Variants in DEAF1 observed in about 807,000 individuals in gnomAD.
DEAF1 encodes the protein DEAF1 transcription factor.
Under a neutral mutation model 58.9 loss-of-function variants are expected in DEAF1, and 53 were observed. That is an observed-to-expected ratio of 0.90 (90% CI 0.72 to 1.13). The LOEUF is 1.13. DEAF1 is among the 50% of genes most tolerant of loss of function. DEAF1 has a pLI of 0.00. For synonymous variants in DEAF1, 385 were observed against 340.4 expected (o/e 1.13, Z -1.44); for missense variants, 685 against 791.4 (o/e 0.87, Z 1.61).
At chr11:699,219 T>G (rs192016339), upstream of DEAF1, 237 of 413,740 alleles carry the variant, frequency 5.7e-4, 2 homozygotes, top group East Asian at 8.7e-3. Flanking sequence ...TTTTATTTTA[T>G]TTTTGTTTGT....
chr11:682,977 G>C (rs1860442009), intron 6 of DEAF1, among the ~76,000 whole-genome samples: 1 of 152,118 alleles, frequency 6.6e-6, no homozygotes, highest in Admixed American at 6.5e-5. Flanking sequence ...CCACCATAGG[G>C]AGCTGGGGGC....
At chr11:699,030 TTA>T (rs1564960918), upstream of DEAF1, 2 of 983,724 alleles carry the variant, frequency 2.0e-6, no homozygotes, top group African/African-American at 1.6e-5. Flanking sequence ...CTTGACAGAT[TTA>T]GAGAGTTGAT....
At chr11:682,822 T>G (rs367614075) in intron 6 of DEAF1, among the ~76,000 whole-genome samples, 24 of 152,286 alleles carry the variant, frequency 1.6e-4, no homozygotes, top group African/African-American at 5.8e-4. Context: ...CAGTCACACT[T>G]CCCAGGAATT....
intron 9 of DEAF1, 131 bp from the exon 10 acceptor site, chr11:674,914 G>A: frequency 1.6e-6 from 2 of 1,220,224 alleles, no homozygotes; most frequent in Non-Finnish European, 1.2e-6. Context: ...GGAGGCCAAG[G>A]CAGGCGGATC....
chr11:645,585 T>C (rs564241051), intron 11 of DEAF1, among the ~76,000 whole-genome samples: 1 of 152,304 alleles, frequency 6.6e-6, no homozygotes, highest in East Asian at 1.9e-4. Context: ...CCCAAAGTGC[T>C]GGGATGACAG....
At chr11:685,695 CAA>C (rs111933571) in intron 5 of DEAF1, among the ~76,000 whole-genome samples, 3 of 135,754 alleles carry the variant, frequency 2.2e-5, no homozygotes, top group African/African-American at 2.7e-5. Context: ...GCCTTTGCCT[CAA>C]AAAAAAAAAA....
At chr11:701,700 C>T (rs971110927) in intron 1 of DEAF1, among the ~76,000 whole-genome samples, 20 of 152,112 alleles carry the variant, frequency 1.3e-4, no homozygotes, top group South Asian at 4.1e-4. Context: ...TGAGCCACCG[C>T]GCCCGGCCGG....
intron 10 of DEAF1, among the ~76,000 whole-genome samples, chr11:672,552 TAAAA>T (rs1244431202): frequency 2.6e-5 from 4 of 152,024 alleles, no homozygotes; most frequent in Non-Finnish European, 5.9e-5. Context: ...ATTTAAAAAT[TAAAA>T]AATAAATAGG....
At chr11:689,380 C>T (rs1000275631) in intron 2 of DEAF1, among the ~76,000 whole-genome samples, 7 of 133,740 alleles carry the variant, frequency 5.2e-5, no homozygotes, top group African/African-American at 1.6e-4. Flanking sequence ...TAATTTTTTG[C>T]ATTTTTTTTT....
rs779092386 is a variant in DEAF1, at chr11:678,853, G to C, written c.1127-31C>G. 5 of 1,612,226 alleles carry C rather than the reference G, an allele frequency of 3.1e-6. No homozygotes were observed. In the African/African-American group the frequency reaches 5.3e-5, roughly 17 times the overall value. ...GGGGAGAAAAAGGACAGGGAGGCTC[G>C]GGATGGTTGTCCGCACAGCAGACTC... On this transcript the variant is annotated intron_variant, in intron 8 of 11. Transcript: ENST00000382409.
upstream of DEAF1, chr11:695,673 CTAA>C: frequency 1.6e-6 from 2 of 1,243,898 alleles, no homozygotes; most frequent in Non-Finnish European, 2.0e-6. Context: ...GCCGGACGGA[CTAA>C]TCGGGCCTCG....
intron 10 of DEAF1, among the ~76,000 whole-genome samples, chr11:659,651 G>A (rs889697069): frequency 5.9e-5 from 9 of 152,174 alleles, no homozygotes; most frequent in Non-Finnish European, 7.3e-5. Flanking sequence ...ATTGGAGGGC[G>A]AGTTGGCCTC....
At chr11:679,534 C>T (rs145262337) in intron 8 of DEAF1, among the ~76,000 whole-genome samples, 154 bp downstream of exon 8, 4 of 152,344 alleles carry the variant, frequency 2.6e-5, no homozygotes, top group African/African-American at 9.6e-5. Context: ...GCCCACCTGA[C>T]GTGGCTCACA....
At chr11:654,121 G>T in intron 10 of DEAF1, 70 bp from the exon 11 acceptor site, 1 of 1,265,650 alleles carries the variant, frequency 7.9e-7, no homozygotes, top group Non-Finnish European at 1.1e-6. Context: ...CGGGGACAGA[G>T]GCAGGTGCAG....
intron 10 of DEAF1, among the ~76,000 whole-genome samples, chr11:669,058 C>T (rs1245575468): frequency 6.6e-6 from 1 of 151,166 alleles, no homozygotes; most frequent in Admixed American, 6.6e-5. Flanking sequence ...ACCTCCTGAC[C>T]TTGTGATCTG....
chr11:694,875 C>T lies in DEAF1; in HGVS notation c.173G>A (p.Arg58Gln). 2.0e-6 allele frequency: 3 copies of T among 1,501,268 alleles called. No homozygotes were observed. Among genetic ancestry groups the T allele is most frequent in the Non-Finnish European group, 2.7e-6 (3 of 1,129,986 alleles). The allele number at this position is 1,501,268 out of a possible 1,614,324, so 93.0% of individuals were successfully genotyped here. ...CACTGCCGTGACCCGCGGCGTCTCC[C>T]GCTCCGCCTCCGAGTCTGCGTCCTC... ...SEEDADSEAE[R>Q]ETPRVTAVAV... Residue 58 changes from arginine to glutamine, a missense_variant, in exon 1 of 12, where the codon CGG becomes CAG. Physicochemically the swap from Arg to Gln is conservative, Grantham distance 43 (BLOSUM62 1). This residue lies in a region of DEAF1 where 210 missense variants were observed against 177.3 expected (regional missense o/e 1.18). Transcript: ENST00000382409.
intron 11 of DEAF1, among the ~76,000 whole-genome samples, chr11:648,068 G>T (rs1858581662): frequency 6.7e-6 from 1 of 150,296 alleles, no homozygotes; most frequent in Non-Finnish European, 1.5e-5. Flanking sequence ...GGAGCAGGTG[G>T]GTGGACTTGA....
intron 6 of DEAF1, among the ~76,000 whole-genome samples, chr11:683,808 T>A (rs1044012865): frequency 2.6e-5 from 4 of 152,200 alleles, no homozygotes; most frequent in African/African-American, 9.7e-5. Context: ...TTCAGCATTT[T>A]CTTTAGTATC....
At chr11:659,711 C>T (rs1398756132) in intron 10 of DEAF1, among the ~76,000 whole-genome samples, 2 of 152,186 alleles carry the variant, frequency 1.3e-5, no homozygotes, top group Non-Finnish European at 2.9e-5. Flanking sequence ...CAGATCCGCT[C>T]CTGGGTCTAG....
Sources: gnomAD v4.1 joint callset for allele counts (sites outside exome capture counted in the v4.1 genomes callset) on GRCh38, gnomAD v4.1.1 for gene constraint, gnomAD v4.1.1 regional missense constraint, MANE v1.5 for transcripts, NCBI Gene and HGNC (gene_info 2026-07-23, HGNC 2026-07-21) for gene names.